Variants in TMEM132C observed in about 807,000 individuals in gnomAD.
TMEM132C encodes transmembrane protein 132C.
In TMEM132C, 29 loss-of-function variants were observed where a neutral mutation model predicts 61.4. That is an observed-to-expected ratio of 0.47 (90% CI 0.35 to 0.64). The LOEUF (loss-of-function observed/expected upper bound fraction) is 0.64. TMEM132C is among the 30% of genes least tolerant of loss of function. The pLI is 0.00. For missense variants in TMEM132C, 1,408 were observed against 1,476.9 expected (o/e 0.95, Z 0.76); for synonymous variants, 656 against 633.1 (o/e 1.04, Z -0.54).
intron 1 of TMEM132C, among the ~76,000 whole-genome samples, chr12:128,284,325 C>T (rs6486491): frequency 0.48 from 72,902 of 152,066 alleles, 17,605 homozygotes; most frequent in African/African-American, 0.52. Flanking sequence ...GACAGATATA[C>T]ATATGTGTGT....
At chr12:128,535,984 G>A (rs1417553798) in intron 2 of TMEM132C, among the ~76,000 whole-genome samples, 5 of 152,290 alleles carry the variant, frequency 3.3e-5, no homozygotes, top group South Asian at 4.1e-4. Context: ...ACAGTGTGGC[G>A]ATTCCTCAAG....
chr12:128,463,708 C>T (rs957581998), intron 2 of TMEM132C, among the ~76,000 whole-genome samples: 9 of 152,100 alleles, frequency 5.9e-5, no homozygotes, highest in African/African-American at 1.9e-4. Flanking sequence ...TCTCGGTGTG[C>T]CATGAGATAC....
chr12:128,593,280 G>A (rs1272997925), intron 3 of TMEM132C, among the ~76,000 whole-genome samples: 4 of 106,134 alleles, frequency 3.8e-5, no homozygotes, highest in Non-Finnish European at 6.0e-5. Flanking sequence ...TCTTTCTTCT[G>A]TCTCCATTTT....
chr12:128,330,678 C>G (rs1007831186), intron 1 of TMEM132C, among the ~76,000 whole-genome samples: 3 of 152,182 alleles, frequency 2.0e-5, no homozygotes, highest in Admixed American at 6.5e-5. Context: ...CTTTTCCCTT[C>G]ATTTTGAAAA....
intron 1 of TMEM132C, among the ~76,000 whole-genome samples, chr12:128,337,644 G>A (rs1167095195): frequency 1.3e-5 from 2 of 152,132 alleles, no homozygotes; most frequent in African/African-American, 4.8e-5. Flanking sequence ...CAAACCCGGG[G>A]AGGTCTCAGG....
At chr12:128,523,581 C>T (rs1307642276) in intron 2 of TMEM132C, among the ~76,000 whole-genome samples, 3 of 152,014 alleles carry the variant, frequency 2.0e-5, no homozygotes, top group Non-Finnish European at 4.4e-5. Flanking sequence ...ACGAACATTC[C>T]ACAAGGTAGA....
At chr12:128,573,451 G>C (rs1390332892) in intron 3 of TMEM132C, among the ~76,000 whole-genome samples, 1 of 151,834 alleles carries the variant, frequency 6.6e-6, no homozygotes, top group Non-Finnish European at 1.5e-5. Flanking sequence ...GGGGCCTGTC[G>C]TGGGGTGGGG....
At chr12:128,325,788 A>G (rs1593011808) in intron 1 of TMEM132C, among the ~76,000 whole-genome samples, 2 of 152,040 alleles carry the variant, frequency 1.3e-5, no homozygotes, top group African/African-American at 2.4e-5. Context: ...CCATTTGGTG[A>G]CCTGGAAGGA....
At chr12:128,610,730 C>G (rs1242560788) in intron 3 of TMEM132C, among the ~76,000 whole-genome samples, 1 of 152,164 alleles carries the variant, frequency 6.6e-6, no homozygotes, top group Non-Finnish European at 1.5e-5. Flanking sequence ...GCACTGACCA[C>G]AGAAGAATTG....
chr12:128,688,323 C>T (rs948268111), intron 5 of TMEM132C, among the ~76,000 whole-genome samples: 4 of 152,194 alleles, frequency 2.6e-5, no homozygotes, highest in African/African-American at 9.7e-5. Context: ...CACTCTACCT[C>T]TCCATCTTGG....
At chr12:128,629,922 C>A (rs1256418501) in intron 4 of TMEM132C, among the ~76,000 whole-genome samples, 3 of 148,494 alleles carry the variant, frequency 2.0e-5, no homozygotes, top group African/African-American at 7.5e-5. Flanking sequence ...GCTGAGATCA[C>A]TTCATTGCAC....
intron 2 of TMEM132C, among the ~76,000 whole-genome samples, chr12:128,495,698 C>T (rs1265013537): frequency 4.9e-4 from 74 of 149,806 alleles, no homozygotes; most frequent in South Asian, 1.7e-3. Context: ...GATCTTCCTC[C>T]CTCCCTTTAT....
At chr12:128,482,090 G>GT (rs1871330963) in intron 2 of TMEM132C, among the ~76,000 whole-genome samples, 1 of 152,116 alleles carries the variant, frequency 6.6e-6, no homozygotes, top group Non-Finnish European at 1.5e-5. Flanking sequence ...TTTATTGAGA[G>GT]TTTTTAGCAT....
At chr12:128,678,648 A>C (rs1460169756) in intron 5 of TMEM132C, among the ~76,000 whole-genome samples, 1 of 151,950 alleles carries the variant, frequency 6.6e-6, no homozygotes, top group Admixed American at 6.6e-5. Context: ...GGGTGACTGA[A>C]CCCCCTGAGA....
chr12:128,626,340 G>C (rs1484115005), intron 4 of TMEM132C, among the ~76,000 whole-genome samples: 1 of 151,416 alleles, frequency 6.6e-6, no homozygotes, highest in East Asian at 1.9e-4. Flanking sequence ...ATGTTGACCA[G>C]GCTGGTCTCG....
rs1035941548 is a variant in TMEM132C at position 128,694,843 on chromosome 12, G to A, written c.1655+809G>A. 2.0e-5 allele frequency among the ~76,000 whole-genome samples: 3 copies of A among 152,336 alleles called. No homozygotes were observed. The South Asian group carries it at 6.2e-4, about 32-fold the overall frequency. ...TGTGGTCATGAGTGGCCAAGACAAT[G>A]AGTTTGTTCCACATCCCTGAGGGGG... On this transcript the variant is annotated intron_variant, in intron 6 of 8. Coordinates refer to ENST00000435159, the MANE Select transcript of TMEM132C (RefSeq NM_001136103.3).
intron 1 of TMEM132C, among the ~76,000 whole-genome samples, chr12:128,323,467 C>G (rs900130646): frequency 3.3e-5 from 5 of 152,236 alleles, no homozygotes; most frequent in African/African-American, 9.6e-5. Flanking sequence ...TTCGTCTTCT[C>G]TTCATAGCCT....
At chr12:128,443,061 C>T (rs79151230) in intron 2 of TMEM132C, among the ~76,000 whole-genome samples, 11,677 of 151,642 alleles carry the variant, frequency 0.077, 486 homozygotes, top group Middle Eastern at 0.11. Flanking sequence ...GTCATGGTGT[C>T]TAAATGTTAC....
intron 3 of TMEM132C, among the ~76,000 whole-genome samples, chr12:128,558,370 A>G (rs1044535067): frequency 6.6e-6 from 1 of 152,152 alleles, no homozygotes; most frequent in Non-Finnish European, 1.5e-5. Context: ...GGCTTTTCCC[A>G]TGCTGTTCTC....
Sources: gnomAD v4.1 joint callset for allele counts (sites outside exome capture counted in the v4.1 genomes callset) on GRCh38, gnomAD v4.1.1 for gene constraint, MANE v1.5 for transcripts, NCBI Gene and HGNC (gene_info 2026-07-23, HGNC 2026-07-21) for gene names.